CAMK2A: variants seen among roughly 807,000 people sequenced by gnomAD.
CAMK2A encodes calcium/calmodulin-dependent protein kinase type II subunit alpha.
In CAMK2A, 7 loss-of-function variants were observed where a neutral mutation model predicts 79.2. The ratio of observed to expected loss-of-function variants is 0.09; its 90% CI spans 0.05 to 0.17. The LOEUF (loss-of-function observed/expected upper bound fraction) is 0.17. Among genes scored for constraint, CAMK2A ranks in the 10% least tolerant of loss-of-function variants. The pLI, the probability that CAMK2A is intolerant of heterozygous loss-of-function variation, is 1.00. For synonymous variants in CAMK2A, 242 were observed against 251.7 expected (o/e 0.96, Z 0.36); for missense variants, 214 against 646.4 (o/e 0.33, Z 7.25).
chr5:150,243,732 A>G (rs1329305501), intron 13 of CAMK2A, among the ~76,000 whole-genome samples: 1 of 152,190 alleles, frequency 6.6e-6, no homozygotes, highest in Non-Finnish European at 1.5e-5. Flanking sequence ...GGCGCATTGT[A>G]TTAGTTAATC....
chr5:150,235,563 G>T (rs1326373560), intron 15 of CAMK2A, among the ~76,000 whole-genome samples: 1 of 152,262 alleles, frequency 6.6e-6, no homozygotes, highest in African/African-American at 2.4e-5. Flanking sequence ...CAAGGCAGAG[G>T]TAGCTCTTTA....
chr5:150,254,892 G>A (rs1204847183), intron 6 of CAMK2A, among the ~76,000 whole-genome samples: 1 of 152,130 alleles, frequency 6.6e-6, no homozygotes, highest in East Asian at 1.9e-4. Context: ...TTTTGGCTTG[G>A]GGAGGGGCTC....
intron 3 of CAMK2A, among the ~76,000 whole-genome samples, chr5:150,263,477 ACT>A (rs1356702608): frequency 2.7e-5 from 4 of 150,562 alleles, no homozygotes; most frequent in Non-Finnish European, 4.4e-5. Flanking sequence ...CACTCCACAC[ACT>A]CTCACATACA....
intron 1 of CAMK2A, among the ~76,000 whole-genome samples, chr5:150,285,672 C>T (rs1757395156): frequency 6.6e-6 from 1 of 152,172 alleles, no homozygotes; most frequent in South Asian, 2.1e-4. Context: ...GCCTTGGCAA[C>T]CCCTTCTCCA....
intron 3 of CAMK2A, among the ~76,000 whole-genome samples, chr5:150,264,010 G>A (rs1432098716): frequency 6.6e-6 from 1 of 152,178 alleles, no homozygotes; most frequent in Non-Finnish European, 1.5e-5. Context: ...TGGGGCCCTG[G>A]GCACGGAGAG....
At chr5:150,241,551 CCCTCT>C (rs1435975280) in intron 13 of CAMK2A, among the ~76,000 whole-genome samples, 2 of 137,452 alleles carry the variant, frequency 1.5e-5, no homozygotes, top group African/African-American at 2.7e-5. Flanking sequence ...CCCTCCTCTT[CCCTCT>C]CCTCTCCTCT....
intron 17 of CAMK2A, among the ~76,000 whole-genome samples, chr5:150,225,976 C>T (rs1754581640): frequency 6.6e-6 from 1 of 152,172 alleles, no homozygotes; most frequent in South Asian, 2.1e-4. Flanking sequence ...AACTCCTGAC[C>T]TCAGGTGATC....
chr5:150,255,493 G>A (rs934015592), intron 6 of CAMK2A, among the ~76,000 whole-genome samples: 1 of 152,232 alleles, frequency 6.6e-6, no homozygotes, highest in African/African-American at 2.4e-5. Context: ...CACCCTGCAG[G>A]GGACTTAGCA....
Position 150,223,295 on chromosome 5 carries a change from C to G in CAMK2A, c.1238-78G>C. The stretch of plus-strand genomic sequence containing the variant: ...TCACTTTCTTCACTTTCTCCACTCC[C>G]AGCAGCCCTCTCAATGGAGGCGCCC... On this transcript the variant is annotated intron_variant, in intron 17 of 18. Transcript: ENST00000671881. The surrounding 1 kb of genome is among the most constrained non-coding windows in gnomAD (Gnocchi z 4.1). The G allele has an allele frequency of 8.2e-7, 1 of 1,216,386 alleles. No homozygotes were observed. 75.3% of individuals were successfully genotyped at this position (1,216,386 alleles called of 1,614,324 possible). A position where few individuals can be genotyped will look rare whatever the true frequency, so the allele number is the denominator to read the frequency against.
chr5:150,274,474 T>C (rs1350109026), intron 1 of CAMK2A, among the ~76,000 whole-genome samples: 1 of 152,212 alleles, frequency 6.6e-6, no homozygotes, highest in East Asian at 1.9e-4. Flanking sequence ...GGAGTCTAGA[T>C]GCCATTTTGC....
intron 1 of CAMK2A, among the ~76,000 whole-genome samples, chr5:150,282,674 G>C (rs763639265): frequency 6.6e-6 from 1 of 152,246 alleles, no homozygotes; most frequent in Non-Finnish European, 1.5e-5. Context: ...CTCACCATCT[G>C]TAAGACAATG....
chr5:150,275,356 G>A (rs1756905181), intron 1 of CAMK2A, among the ~76,000 whole-genome samples: 1 of 151,694 alleles, frequency 6.6e-6, no homozygotes, highest in Admixed American at 6.6e-5. Context: ...TCATTCCCAT[G>A]CTTCTGGCCA....
chr5:150,244,106 T>C (rs1235170106), intron 13 of CAMK2A, among the ~76,000 whole-genome samples: 4 of 151,102 alleles, frequency 2.6e-5, no homozygotes, highest in Admixed American at 2.6e-4. Context: ...ATTTTATTGC[T>C]TTTTTTGTTT....
At chr5:150,289,858 T>C (rs1757592456), upstream of CAMK2A, 1 of 532,136 alleles carries the variant, frequency 1.9e-6, no homozygotes, top group South Asian at 2.5e-5. Context: ...AAACGCCCTG[T>C]TCCCGTTGCC....
In CAMK2A at chr5:150,221,818, C is replaced by A. The variant is rs1580889620; in HGVS notation, c.*892G>T. 1.0e-5 allele frequency: 4 copies of A among 391,436 alleles called. No homozygotes were observed. In the East Asian group the frequency reaches 1.1e-4, roughly 11 times the overall value. 24.2% of individuals were successfully genotyped at this position (391,436 alleles called of 1,614,324 possible). A position where few individuals can be genotyped will look rare whatever the true frequency, so the allele number is the denominator to read the frequency against. Reference sequence around the variant, plus strand: ...CCCCTCTTCCTACACCCCTTCCAACCTGACCCTTCTCACAATAATCTGAGA... The same window carrying A: ...CCCCTCTTCCTACACCCCTTCCAACATGACCCTTCTCACAATAATCTGAGA... On this transcript the variant is annotated 3_prime_UTR_variant, in exon 19 of 19. Coordinates refer to ENST00000671881, the MANE Select transcript of CAMK2A (RefSeq NM_015981.4).
intron 15 of CAMK2A, among the ~76,000 whole-genome samples, chr5:150,237,996 T>C (rs2114038941): frequency 6.6e-6 from 1 of 152,206 alleles, no homozygotes; most frequent in Admixed American, 6.5e-5. Context: ...GGATTTTTGC[T>C]CTCCCTTCCT....
At chr5:150,279,108 C>CAT (rs1757101060) in intron 1 of CAMK2A, among the ~76,000 whole-genome samples, 1 of 152,182 alleles carries the variant, frequency 6.6e-6, no homozygotes, top group African/African-American at 2.4e-5. Context: ...TCTCGTGTTT[C>CAT]ATACCAGTGC....
At chr5:150,281,038 A>T (rs1466690397) in intron 1 of CAMK2A, among the ~76,000 whole-genome samples, 1 of 152,230 alleles carries the variant, frequency 6.6e-6, no homozygotes, top group Non-Finnish European at 1.5e-5. Flanking sequence ...GCAAATAGTT[A>T]AAGCCATTGA....
chr5:150,272,998 A>G, intron 2 of CAMK2A, 67 bp downstream of exon 2: 1 of 1,273,618 alleles, frequency 7.9e-7, no homozygotes, highest in Non-Finnish European at 1.1e-6. Flanking sequence ...GGTCTAAACC[A>G]AGCAGTACAG....
Sources: gnomAD v4.1 joint callset for allele counts (sites outside exome capture counted in the v4.1 genomes callset) on GRCh38, gnomAD v4.1.1 for gene constraint, Gnocchi (gnomAD v3.1) non-coding constraint, MANE v1.5 for transcripts, NCBI Gene and HGNC (gene_info 2026-07-23, HGNC 2026-07-21) for gene names.